Variants in CABIN1 observed in about 807,000 individuals in gnomAD.
The protein encoded by CABIN1 is calcineurin-binding protein cabin-1.
A neutral mutation model predicts 227.7 loss-of-function variants in CABIN1; 133 were observed. The ratio of observed to expected loss-of-function variants is 0.58; its 90% CI spans 0.51 to 0.67. The LOEUF is 0.67. Ranked by LOEUF, CABIN1 falls within the 30% of genes least tolerant of loss-of-function variation. The pLI is 0.00. For missense variants in CABIN1, 2,408 were observed against 2,852.5 expected, an observed-to-expected ratio of 0.84 and a Z score of 3.55; for synonymous variants, 1,086 against 1,155.1, an observed-to-expected ratio of 0.94 and a Z score of 1.21.
intron 8 of CABIN1, among the ~76,000 whole-genome samples, chr22:24,054,402 A>G (rs1229458704): frequency 6.6e-6 from 1 of 152,202 alleles, no homozygotes; most frequent in East Asian, 1.9e-4. Flanking sequence ...GCTGCTCCCC[A>G]TAGGCCCTGC....
Position 24,083,396 on chromosome 22 carries a change from G to A in CABIN1, c.2910+7G>A, listed in dbSNP as rs781027561. 5.0e-6 allele frequency: 8 copies of A among 1,613,698 alleles called. No homozygotes were observed. The highest frequency in any genetic ancestry group is 5.9e-6 in the Non-Finnish European group (7 of 1,180,008). Reference sequence around the variant, plus strand: ...GGAACACTCGGCCCAGCAGGTGAGGGTGCTGCAATAGGCCCAACAAAGAGG... The same window carrying A: ...GGAACACTCGGCCCAGCAGGTGAGGATGCTGCAATAGGCCCAACAAAGAGG... On this transcript the variant is annotated splice_region_variant and intron_variant, in intron 20 of 36. Transcript: ENST00000263119.
chr22:24,146,926 T>C (rs1241505376), intron 29 of CABIN1, among the ~76,000 whole-genome samples: 1 of 152,230 alleles, frequency 6.6e-6, no homozygotes, highest in Non-Finnish European at 1.5e-5. Context: ...CCTAAGGTCA[T>C]ATAGCCAGTA....
At chr22:24,112,818 A>G (rs2042880877) in intron 26 of CABIN1, among the ~76,000 whole-genome samples, 1 of 152,166 alleles carries the variant, frequency 6.6e-6, no homozygotes, top group Non-Finnish European at 1.5e-5. Context: ...CCTGAAAGCA[A>G]CAAGGTTTCC....
At chr22:24,143,562 CAATGG>C (rs2044910331) in intron 29 of CABIN1, among the ~76,000 whole-genome samples, 1 of 152,154 alleles carries the variant, frequency 6.6e-6, no homozygotes, top group Non-Finnish European at 1.5e-5. Context: ...AGAGCAGTGA[CAATGG>C]AGGATGCTAC....
chr22:24,177,479 T>G lies in CABIN1; in HGVS notation c.6206-25T>G, dbSNP rs544565523. 5.8e-5 allele frequency: 87 copies of G among 1,511,924 alleles called. No individual in the cohort carries two copies. The African/African-American group carries it at 1.1e-3, about 19-fold the overall frequency. The allele number at this position is 1,511,924 out of a possible 1,614,324, so 93.7% of individuals were successfully genotyped here. A position where few individuals can be genotyped will look rare whatever the true frequency, so the allele number is the denominator to read the frequency against. On this transcript the variant is annotated intron_variant, in intron 35 of 36. Transcript: ENST00000263119. The surrounding 1 kb of genome is among the most constrained non-coding windows in gnomAD (Gnocchi z 4.4). ...ACTGTGTGATGCGGCAGGCAGGAAG[T>G]GCTCTTGGTACCTTTGTCTTCCAGA...
intron 1 of CABIN1, among the ~76,000 whole-genome samples, chr22:24,024,596 C>T (rs1027446079): frequency 2.6e-5 from 4 of 152,076 alleles, no homozygotes; most frequent in South Asian, 2.1e-4. Context: ...ATTATTTCTT[C>T]GAATAATTTT....
chr22:24,086,840 AT>A (rs1211019946), intron 22 of CABIN1, among the ~76,000 whole-genome samples: 1 of 151,998 alleles, frequency 6.6e-6, no homozygotes, highest in Non-Finnish European at 1.5e-5. Flanking sequence ...CTCACTTTTC[AT>A]TTTACTGCTG....
At chr22:24,110,512 A>G (rs2042750927) in intron 26 of CABIN1, among the ~76,000 whole-genome samples, 1 of 152,170 alleles carries the variant, frequency 6.6e-6, no homozygotes. Flanking sequence ...CCATTTCTTT[A>G]TGTAGATCCA....
At chr22:24,171,676 C>T (rs750093982) in intron 33 of CABIN1, 37 bp from the exon 34 acceptor site, 1 of 1,613,128 alleles carries the variant, frequency 6.2e-7, no homozygotes, top group Non-Finnish European at 8.5e-7. Context: ...TCAGGGCTGC[C>T]TAGCCAGCCT....
intron 10 of CABIN1, among the ~76,000 whole-genome samples, chr22:24,056,935 CCTT>C (rs1360010746): frequency 6.6e-6 from 1 of 151,038 alleles, no homozygotes; most frequent in Non-Finnish European, 1.5e-5. Context: ...TTTCACCAGT[CCTT>C]CTGCCTTTTT....
intron 26 of CABIN1, among the ~76,000 whole-genome samples, chr22:24,107,253 GAGCCTTCCTC>G (rs1483837389): frequency 2.6e-5 from 4 of 152,198 alleles, no homozygotes; most frequent in Non-Finnish European, 5.9e-5. Flanking sequence ...CCCATTAGCA[GAGCCTTCCTC>G]AGGGCCACTT....
intron 28 of CABIN1, among the ~76,000 whole-genome samples, chr22:24,130,647 C>T (rs1472237667): frequency 6.6e-6 from 1 of 152,082 alleles, no homozygotes; most frequent in African/African-American, 2.4e-5. Context: ...ACAGTCTCTG[C>T]CCCCTCCCCT....
At chr22:24,015,234 C>A (rs1273447062) in intron 1 of CABIN1, among the ~76,000 whole-genome samples, 1 of 143,146 alleles carries the variant, frequency 7.0e-6, no homozygotes, top group Non-Finnish European at 1.5e-5. Context: ...CCACTGCACT[C>A]CAGCCTGGGT....
chr22:24,031,777 G>T (rs2036516797), intron 1 of CABIN1, among the ~76,000 whole-genome samples: 1 of 152,170 alleles, frequency 6.6e-6, no homozygotes, highest in African/African-American at 2.4e-5. Context: ...GGCCCCTGGG[G>T]CTATAAGTTC....
rs773697480 is a variant in CABIN1 at position 24,043,029 on chromosome 22, C to G, written c.471C>G (p.His157Gln). 2.5e-6 allele frequency: 4 copies of G among 1,613,948 alleles called. No individual in the cohort carries two copies. Among genetic ancestry groups the G allele is most frequent in the Admixed American group, 3.3e-5 (2 of 59,984 alleles). The change falls in exon 6 of 37, where the codon CAC (histidine) becomes CAG (glutamine). Residue 157 changes from histidine (H) to glutamine (Q), a missense_variant. Transcript: ENST00000263119. ...FEEGLRCNPD[H>Q]WPCLDNLITV... Reference sequence around the variant, plus strand: ...AAGGGCTGCGGTGCAATCCTGACCACTGGCCCTGTTTGGATAACCTAATCA... The same window carrying G: ...AAGGGCTGCGGTGCAATCCTGACCAGTGGCCCTGTTTGGATAACCTAATCA...
In CABIN1 at chr22:24,119,674, C is replaced by T. The variant is rs752451996; in HGVS notation, c.4608C>T (p.Leu1536=). 1.2e-6 allele frequency: 2 copies of T among 1,613,906 alleles called. No homozygotes were observed. Among genetic ancestry groups the T allele is most frequent in the African/African-American group, 1.3e-5 (1 of 74,946 alleles). The change falls in exon 28 of 37, where the codon CTC becomes CTT. Residue 1536 remains leucine (L), a synonymous_variant. Transcript: ENST00000263119. The stretch of plus-strand genomic sequence containing the variant: ...AGAGTCTCTACCGTCTGGCCTTCCT[C>T]TACACCTACAGCAAGACCCACCGGG... ...HYKSLYRLAF[L]YTYSKTHRNL...
At position 24,062,968 on chromosome 22, in the gene CABIN1, G is replaced by A. The variant is rs2039305948; in HGVS notation, c.1706G>A (p.Arg569Gln). The change falls in exon 14 of 37, where the codon CGG becomes CAG. Residue 569 changes from arginine to glutamine, a missense_variant. Around this residue, in one of 3 missense-constraint regions of CABIN1, gnomAD observed 1,045 missense variants for 1,168.4 expected, o/e 0.89. Coordinates refer to ENST00000263119, the MANE Select transcript of CABIN1 (RefSeq NM_012295.4). ...GCCTGATGGTTTTTAGTGTCTCCTC[G>A]GAACTGCCCTGCTGGTATGGTGAAT... The part of the protein sequence containing the change: ...TKGRSSAVSP[R>Q]NCPAGMVNGR... The A allele has an allele frequency of 8.7e-6, 14 of 1,614,084 alleles. No homozygotes were observed. Among genetic ancestry groups the A allele is most frequent in the Non-Finnish European group, 1.1e-5 (13 of 1,179,996 alleles).
In CABIN1 at chr22:24,178,042, C is replaced by T. The variant is rs765285884; in HGVS notation, c.6520-11C>T. On this transcript the variant is annotated splice_polypyrimidine_tract_variant and intron_variant, in intron 36 of 36. Coordinates refer to ENST00000263119, the MANE Select transcript of CABIN1 (RefSeq NM_012295.4). ...ATCCTTGACCAGTGCCCCGCCCGGC[C>T]CTCTCCGCAGTCAGCCATCCTTTCT... 19 of 1,613,404 alleles carry T rather than the reference C, an allele frequency of 1.2e-5. No individual in the cohort carries two copies. Among genetic ancestry groups the T allele is most frequent in the African/African-American group, 1.3e-5 (1 of 74,994 alleles).
At chr22:24,056,131 T>C (rs1054143113) in intron 9 of CABIN1, 61 bp from the exon 10 acceptor site, 23 of 1,386,836 alleles carry the variant, frequency 1.7e-5, no homozygotes, top group Non-Finnish European at 2.2e-5. Flanking sequence ...GATGTGTCTG[T>C]GTGGTGCATT....
Sources: gnomAD v4.1 joint callset for allele counts (sites outside exome capture counted in the v4.1 genomes callset) on GRCh38, gnomAD v4.1.1 for gene constraint, gnomAD v4.1.1 regional missense constraint, Gnocchi (gnomAD v3.1) non-coding constraint, MANE v1.5 for transcripts, NCBI Gene and HGNC (gene_info 2026-07-23, HGNC 2026-07-21) for gene names.